Variants in CD163L1 observed in about 807,000 individuals in gnomAD.
CD163L1 encodes scavenger receptor cysteine-rich type 1 protein M160.
A neutral mutation model predicts 165.4 loss-of-function variants in CD163L1; 124 were observed. The ratio of observed to expected loss-of-function variants is 0.75; its 90% CI spans 0.65 to 0.87. The LOEUF (loss-of-function observed/expected upper bound fraction) is 0.87. Ranked by LOEUF, CD163L1 falls within the 40% of genes least tolerant of loss-of-function variation. The pLI is 0.00. For synonymous variants in CD163L1, 585 were observed against 662.2 expected (o/e 0.88, Z 1.79); for missense variants, 1,525 against 1,799.9 (o/e 0.85, Z 2.76).
At position 7,368,202 on chromosome 12, in the gene CD163L1, A is replaced by G; in HGVS notation, c.4073-5T>C. The G allele has an allele frequency of 6.7e-7, 1 of 1,489,066 alleles. No individual in the cohort carries two copies. The allele number at this position is 1,489,066 out of a possible 1,614,324, so 92.2% of individuals were successfully genotyped here. A position where few individuals can be genotyped will look rare whatever the true frequency, so the allele number is the denominator to read the frequency against. Reference sequence around the variant, plus strand: ...ATAAAATAAGTGCTAAATGACCTGTATAGAAATTAAGCATTGATAAGTATT... The same window carrying G: ...ATAAAATAAGTGCTAAATGACCTGTGTAGAAATTAAGCATTGATAAGTATT... On this transcript the variant is annotated splice_region_variant and splice_polypyrimidine_tract_variant and intron_variant, in intron 16 of 19. Coordinates refer to ENST00000313599, the MANE Select transcript of CD163L1 (RefSeq NM_174941.6). The surrounding 1 kb of genome is among the most constrained non-coding windows in gnomAD (Gnocchi z 4.3).
chr12:7,431,863 C>T (rs1419309444), intron 4 of CD163L1, among the ~76,000 whole-genome samples: 1 of 152,130 alleles, frequency 6.6e-6, no homozygotes, highest in Non-Finnish European at 1.5e-5. Flanking sequence ...AAGAAGCTTA[C>T]TTTTGGAAAC....
chr12:7,320,176 C>T, the CD163L1 span, among the ~76,000 whole-genome samples: 1 of 152,138 alleles, frequency 6.6e-6, no homozygotes, highest in Non-Finnish European at 1.5e-5. Context: ...TTTAAGATGC[C>T]TAGGCCATAT....
chr12:7,340,578 A>T, the CD163L1 span, among the ~76,000 whole-genome samples: 1 of 152,142 alleles, frequency 6.6e-6, no homozygotes, highest in East Asian at 1.9e-4. Context: ...TTCATGTACC[A>T]CTTCCTCACC....
chr12:7,356,494 T>C (rs1441096332), intron 19 of CD163L1, among the ~76,000 whole-genome samples: 1 of 152,156 alleles, frequency 6.6e-6, no homozygotes, highest in Non-Finnish European at 1.5e-5. Flanking sequence ...AGATATTCCA[T>C]AATAAAAATC....
intron 8 of CD163L1, among the ~76,000 whole-genome samples, chr12:7,386,497 C>G (rs1169969610): frequency 6.6e-6 from 1 of 151,376 alleles, no homozygotes; most frequent in Non-Finnish European, 1.5e-5. Flanking sequence ...GATACCAAAA[C>G]CAGAAAAGGA....
Position 7,369,330 on chromosome 12 carries a change from G to C in CD163L1, c.4039+27C>G. 1 of 1,603,286 alleles carries C rather than the reference G, an allele frequency of 6.2e-7. No individual in the cohort carries two copies. Among genetic ancestry groups the C allele is most frequent in the Non-Finnish European group, 8.5e-7 (1 of 1,173,234 alleles). On this transcript the variant is annotated intron_variant, in intron 15 of 19. Transcript: ENST00000313599. The surrounding 1 kb of genome is among the most constrained non-coding windows in gnomAD (Gnocchi z 4.9). Reference sequence around the variant, plus strand: ...TTCTCTACCATTAGTGGGAGGCTCAGTTTAAGTGCAGCCTTTTCACACTTA... The same window carrying C: ...TTCTCTACCATTAGTGGGAGGCTCACTTTAAGTGCAGCCTTTTCACACTTA...
chr12:7,339,441 C>CA, the CD163L1 span, among the ~76,000 whole-genome samples: 1,080 of 151,396 alleles, frequency 7.1e-3, 12 homozygotes, highest in African/African-American at 0.024. Flanking sequence ...TGCATAAGGA[C>CA]AAAAAAAACA....
At chr12:7,411,649 G>A (rs1332922763) in intron 4 of CD163L1, among the ~76,000 whole-genome samples, 2 of 152,186 alleles carry the variant, frequency 1.3e-5, no homozygotes, top group African/African-American at 4.8e-5. Flanking sequence ...AGAAGCAGTT[G>A]CTGGTTCCAT....
At chr12:7,421,032 TA>T (rs1948345690) in intron 4 of CD163L1, among the ~76,000 whole-genome samples, 1 of 111,758 alleles carries the variant, frequency 8.9e-6, no homozygotes, top group African/African-American at 4.8e-5. Flanking sequence ...TACATATATA[TA>T]TACGTGTATA....
At chr12:7,370,473 G>A (rs958815481) in intron 14 of CD163L1, among the ~76,000 whole-genome samples, 25 of 152,124 alleles carry the variant, frequency 1.6e-4, no homozygotes, top group African/African-American at 4.6e-4. Flanking sequence ...AGAGAATCTC[G>A]GGATTTCTCT....
chr12:7,398,254 C>T lies in CD163L1; in HGVS notation c.1729+10G>A, dbSNP rs764885071. 6 of 1,601,868 alleles carry T rather than the reference C, an allele frequency of 3.7e-6. No individual in the cohort carries two copies. The African/African-American group carries it at 8.0e-5, about 21-fold the overall frequency. On this transcript the variant is annotated intron_variant, in intron 7 of 19. Transcript: ENST00000313599. This position sits in a 1 kb window ranked among gnomAD's most constrained non-coding sequence, Gnocchi z 4.5. The stretch of plus-strand genomic sequence containing the variant: ...CTTATCAGGAAATAATAAACAAGAA[C>T]AAGTCTTACCTGAGCAGGTTACAAT...
chr12:7,365,900 C>A (rs1430442958), intron 18 of CD163L1, among the ~76,000 whole-genome samples: 1 of 152,080 alleles, frequency 6.6e-6, no homozygotes. Context: ...TTCAGCAATT[C>A]CACTTCTGGG....
chr12:7,354,266 T>A (rs2136367663), downstream of CD163L1, among the ~76,000 whole-genome samples: 1 of 152,212 alleles, frequency 6.6e-6, no homozygotes, highest in South Asian at 2.1e-4. Flanking sequence ...TTTAAAAAAA[T>A]TATTTTACTA....
At position 7,372,189 on chromosome 12, in the gene CD163L1, G is replaced by A. The variant is rs1424472746; in HGVS notation, c.3730+1131C>T. 6.6e-6 allele frequency among the ~76,000 whole-genome samples: 1 copy of A among 152,070 alleles called. No individual in the cohort carries two copies. Among genetic ancestry groups the A allele is most frequent in the Non-Finnish European group, 1.5e-5 (1 of 67,942 alleles). ...TTTTAATTTGGGAAGGTATGTGTATGTCTGTGTATATGTTTCTCTCTGTGT... is the reference window on the plus strand; with the variant it reads ...TTTTAATTTGGGAAGGTATGTGTATATCTGTGTATATGTTTCTCTCTGTGT... On this transcript the variant is annotated intron_variant, in intron 14 of 19. Transcript: ENST00000313599. This position sits in a 1 kb window ranked among gnomAD's most constrained non-coding sequence, Gnocchi z 4.2.
At chr12:7,324,436 C>T in the CD163L1 span, 45 of 1,613,702 alleles carry the variant, frequency 2.8e-5, no homozygotes, top group Non-Finnish European at 3.7e-5. Flanking sequence ...GGTAACAATT[C>T]GACAGGGAGG....
At chr12:7,360,502 T>C (rs1000917945) in intron 18 of CD163L1, among the ~76,000 whole-genome samples, 1 of 152,150 alleles carries the variant, frequency 6.6e-6, no homozygotes, top group Non-Finnish European at 1.5e-5. Context: ...TTAAGGTATC[T>C]TTTTCCTCTC....
chr12:7,332,920 T>A, the CD163L1 span, among the ~76,000 whole-genome samples: 3 of 152,092 alleles, frequency 2.0e-5, no homozygotes, highest in African/African-American at 7.2e-5. Flanking sequence ...CAGGATCAAA[T>A]TCACACATAA....
chr12:7,363,921 C>G (rs1946959527), intron 18 of CD163L1, among the ~76,000 whole-genome samples: 1 of 151,978 alleles, frequency 6.6e-6, no homozygotes, highest in African/African-American at 2.4e-5. Context: ...GGAGAGAACA[C>G]TTCTAAACTC....
chr12:7,406,836 T>G lies in CD163L1; in HGVS notation c.783A>C (p.Glu261Asp), dbSNP rs746969290. Reference sequence around the variant, plus strand: ...GGTTAGTTCCACCTACAAGCCTTAGTTCAAGATCACTACTATCTGAAACAG... The same window carrying G: ...GGTTAGTTCCACCTACAAGCCTTAGGTCAAGATCACTACTATCTGAAACAG... ...TLTCYDSSDL[E>D]LRLVGGTNRC... The change falls in exon 5 of 20, where the codon GAA (glutamate) becomes GAC (aspartate). Residue 261 changes from glutamate (E) to aspartate (D), a missense_variant. By Grantham distance (45) the Glu-to-Asp change is conservative (BLOSUM62 2). Transcript: ENST00000313599. 6.2e-7 allele frequency: 1 copy of G among 1,614,002 alleles called. No individual in the cohort carries two copies. The highest frequency in any genetic ancestry group is 8.5e-7 in the Non-Finnish European group (1 of 1,179,960).
Sources: allele counts gnomAD v4.1 joint callset (sites outside exome capture counted in the v4.1 genomes callset), GRCh38; gene constraint gnomAD v4.1.1; non-coding constraint Gnocchi (gnomAD v3.1); transcripts MANE v1.5; gene names NCBI Gene and HGNC (gene_info 2026-07-23, HGNC 2026-07-21).